Variants in LRRK2 observed in about 807,000 individuals in gnomAD.
LRRK2 encodes leucine rich repeat kinase 2.
In LRRK2, 203 loss-of-function variants were observed where a neutral mutation model predicts 302.6. That is an observed-to-expected ratio of 0.67 (90% CI 0.60 to 0.75). The LOEUF (loss-of-function observed/expected upper bound fraction) is 0.75. LRRK2 is among the 30% of genes least tolerant of loss of function. The pLI, the probability that LRRK2 is intolerant of heterozygous loss-of-function variation, is 0.00. For synonymous variants in LRRK2, 1,066 were observed against 1,031.9 expected, an observed-to-expected ratio of 1.03 and a Z score of -0.63; for missense variants, 2,830 against 2,951.0, an observed-to-expected ratio of 0.96 and a Z score of 0.95.
chr12:40,238,315 G>A (rs1294517868), intron 5 of LRRK2, among the ~76,000 whole-genome samples: 1 of 152,110 alleles, frequency 6.6e-6, no homozygotes, highest in African/African-American at 2.4e-5. Context: ...TATAAATCAT[G>A]CCCCTGGAGT....
chr12:40,314,049 T>C lies in LRRK2; in HGVS notation c.4614T>C (p.Arg1538=), dbSNP rs201846112. The part of the protein sequence containing the change: ...VELEKIILSE[R]KNVPIEFPVI... Reference sequence around the variant, plus strand: ...TTGAAAAAATCATTTTATCGGAGCGTAAAAATGTGCCAATTGAATTTCCCG... The same window carrying C: ...TTGAAAAAATCATTTTATCGGAGCGCAAAAATGTGCCAATTGAATTTCCCG... The change falls in exon 32 of 51, where the codon CGT becomes CGC. Residue 1538 remains arginine (R), a synonymous_variant. Coordinates refer to ENST00000298910, the MANE Select transcript of LRRK2 (RefSeq NM_198578.4). The C allele has an allele frequency of 1.2e-5, 20 of 1,612,466 alleles. No homozygotes were observed. The highest frequency in any genetic ancestry group is 1.7e-5 in the Admixed American group (1 of 59,864).
intron 7 of LRRK2, among the ~76,000 whole-genome samples, chr12:40,244,307 A>G (rs1216033495): frequency 1.3e-5 from 2 of 152,234 alleles, no homozygotes; most frequent in East Asian, 1.9e-4. Context: ...GCAATTTTCA[A>G]ATATCAGTGC....
intron 2 of LRRK2, among the ~76,000 whole-genome samples, chr12:40,228,495 T>C (rs1411540185): frequency 1.3e-5 from 2 of 149,072 alleles, no homozygotes; most frequent in African/African-American, 4.9e-5. Flanking sequence ...ATTCTGGTTG[T>C]TAATCTTTTG....
chr12:40,336,161 A>G (rs1240180572), intron 40 of LRRK2, among the ~76,000 whole-genome samples: 1 of 151,742 alleles, frequency 6.6e-6, no homozygotes, highest in African/African-American at 2.4e-5. Flanking sequence ...GTGCTCAGCC[A>G]CTCCCATCCC....
chr12:40,286,259 A>G (rs1943921733), intron 19 of LRRK2: 2 of 152,002 alleles, frequency 1.3e-5, no homozygotes, highest in Admixed American at 6.6e-5. Context: ...TTCAGGTAGT[A>G]TTTGCCTAAG....
At chr12:40,299,047 A>AT (rs1565727458) in intron 24 of LRRK2, 62 bp from the exon 25 acceptor site, 10 of 1,556,302 alleles carry the variant, frequency 6.4e-6, no homozygotes, top group Non-Finnish European at 7.9e-6. Flanking sequence ...TGTTTTTGAT[A>AT]TTTTTTCTTT....
rs200290369 is a variant in LRRK2 at position 40,287,551 on chromosome 12, A to T, written c.2689+12A>T. On this transcript the variant is annotated intron_variant, in intron 20 of 50. Coordinates refer to ENST00000298910, the MANE Select transcript of LRRK2 (RefSeq NM_198578.4). ...CCTGGATAGTGAAGGTATTTATTAT[A>T]AAAAAAAACCCTTTATGCTTTATAT... is the stretch of plus-strand genomic sequence containing the variant. 1.2e-4 allele frequency: 185 copies of T among 1,565,080 alleles called. No individual in the cohort carries two copies. Among genetic ancestry groups the T allele is most frequent in the Middle Eastern group, 6.7e-4 (4 of 5,972 alleles).
At chr12:40,352,525 G>C (rs987009924) in intron 44 of LRRK2, among the ~76,000 whole-genome samples, 2 of 149,094 alleles carry the variant, frequency 1.3e-5, no homozygotes, top group African/African-American at 5.0e-5. Context: ...ATTTGGCAGG[G>C]TCATAGGACA....
intron 49 of LRRK2, 138 bp from the exon 50 acceptor site, chr12:40,366,868 A>G: frequency 1.6e-6 from 1 of 630,560 alleles, no homozygotes; most frequent in Admixed American, 2.8e-5. Context: ...AATATAATTG[A>G]AGGGTCACCT....
intron 41 of LRRK2, among the ~76,000 whole-genome samples, chr12:40,345,478 C>T (rs1348979765): frequency 6.6e-6 from 1 of 151,750 alleles, no homozygotes; most frequent in East Asian, 1.9e-4. Context: ...CAAAAATCAG[C>T]TGGGCACGGT....
At chr12:40,276,938 C>T (rs1437044151) in intron 16 of LRRK2, among the ~76,000 whole-genome samples, 2 of 152,122 alleles carry the variant, frequency 1.3e-5, no homozygotes, top group Non-Finnish European at 2.9e-5. Context: ...GCCCATCCTC[C>T]TGGGTGGGCT....
chr12:40,293,799 T>C, intron 21 of LRRK2, 136 bp downstream of exon 21: 1 of 618,726 alleles, frequency 1.6e-6, no homozygotes, highest in Non-Finnish European at 2.9e-6. Context: ...TTGAGATTTT[T>C]ATATATGTAA....
rs573604460 is a variant in LRRK2 at position 40,306,532 on chromosome 12, C to CT, written c.3959+571dup. Among the ~76,000 whole-genome samples, 551 of 152,232 alleles carry CT rather than the reference C, an allele frequency of 3.6e-3. 1 individual carries two copies. The highest frequency in any genetic ancestry group is 6.1e-3 in the Non-Finnish European group (414 of 68,012). On this transcript the variant is annotated intron_variant, in intron 28 of 50. Transcript: ENST00000298910. ...ATCTTTGGTAATGGATTTTATCCTCCTTTTTGTTCCCTTTCAGCACATCGG... is the reference window on the plus strand; with the variant it reads ...ATCTTTGGTAATGGATTTTATCCTCCTTTTTTGTTCCCTTTCAGCACATCGG...
chr12:40,291,029 C>T (rs1387951325), intron 20 of LRRK2, among the ~76,000 whole-genome samples: 2 of 151,906 alleles, frequency 1.3e-5, no homozygotes, highest in South Asian at 2.1e-4. Context: ...TTTAATTTCC[C>T]AAATGTCCAA....
chr12:40,235,678 A>C lies in LRRK2; in HGVS notation c.400A>C (p.Ile134Leu), dbSNP rs1308754760. Residue 134 changes from isoleucine (I) to leucine (L), a missense_variant, in exon 4 of 51, where the codon ATT (isoleucine) becomes CTT (leucine). Coordinates refer to ENST00000298910, the MANE Select transcript of LRRK2 (RefSeq NM_198578.4). The part of the protein sequence containing the change: ...VHNASVNLSV[I>L]GLKTLDLLLT... ...TAATGCCAGTGTAAACTTGTCAGTG[A>C]TTGGACTGAAGACCTTAGATCTCCT... The C allele has an allele frequency of 1.2e-6, 2 of 1,608,560 alleles. No individual in the cohort carries two copies. The highest frequency in any genetic ancestry group is 2.7e-5 in the African/African-American group (2 of 74,872).
intron 14 of LRRK2, among the ~76,000 whole-genome samples, chr12:40,270,937 A>G (rs1943206787): frequency 6.6e-6 from 1 of 151,986 alleles, no homozygotes; most frequent in African/African-American, 2.4e-5. Context: ...ATACTTACTT[A>G]TTACTATTGT....
At chr12:40,311,793 A>G (rs1242203657) in intron 31 of LRRK2, among the ~76,000 whole-genome samples, 2 of 152,170 alleles carry the variant, frequency 1.3e-5, no homozygotes, top group African/African-American at 4.8e-5. Flanking sequence ...CATTTATTAC[A>G]GTTATTAAAA....
chr12:40,360,754 T>C (rs550579522), intron 47 of LRRK2, among the ~76,000 whole-genome samples: 12 of 152,228 alleles, frequency 7.9e-5, no homozygotes, highest in Admixed American at 7.2e-4. Flanking sequence ...TTTTGCAAGC[T>C]TTTTGCCATC....
intron 3 of LRRK2, among the ~76,000 whole-genome samples, chr12:40,234,871 A>G (rs996331898): frequency 6.6e-6 from 1 of 152,320 alleles, no homozygotes; most frequent in Non-Finnish European, 1.5e-5. Flanking sequence ...CTCGATGTAT[A>G]TAAGGCTTCA....
Sources: gnomAD v4.1 joint callset for allele counts (sites outside exome capture counted in the v4.1 genomes callset) on GRCh38, gnomAD v4.1.1 for gene constraint, MANE v1.5 for transcripts, NCBI Gene and HGNC (gene_info 2026-07-23, HGNC 2026-07-21) for gene names.